Variants in NFIB observed in about 807,000 individuals in gnomAD.
NFIB encodes the protein nuclear factor 1 B-type.
Under a neutral mutation model 61.5 loss-of-function variants are expected in NFIB, and 11 were observed. That is an observed-to-expected ratio of 0.18 (90% CI 0.11 to 0.30). The LOEUF (loss-of-function observed/expected upper bound fraction) is 0.30, where lower values mean the gene tolerates loss of function less well. Among genes scored for constraint, NFIB ranks in the 10% least tolerant of loss-of-function variants. NFIB has a pLI of 1.00. For missense variants in NFIB, 471 were observed against 608.9 expected (o/e 0.77, Z 2.38); for synonymous variants, 260 against 216.5 (o/e 1.20, Z -1.76).
chr9:14,126,871 T>A lies in NFIB; in HGVS notation c.926-1105A>T, dbSNP rs575418410. ...AATACATTCATTCCATAAATACTTGTTCAAGACCGAATGTATGCCACATGC... is the reference window on the plus strand; with the variant it reads ...AATACATTCATTCCATAAATACTTGATCAAGACCGAATGTATGCCACATGC... On this transcript the variant is annotated intron_variant, in intron 6 of 10. Coordinates refer to ENST00000380953, the MANE Select transcript of NFIB (RefSeq NM_001190737.2). 1.1e-3 allele frequency among the ~76,000 whole-genome samples: 164 copies of A among 152,330 alleles called. 2 individuals carry two copies. The highest frequency in any genetic ancestry group is 3.8e-3 in the African/African-American group (159 of 41,578).
chr9:14,095,222 T>TA (rs1034837063), intron 10 of NFIB, among the ~76,000 whole-genome samples: 9 of 152,104 alleles, frequency 5.9e-5, no homozygotes, highest in African/African-American at 1.7e-4. Flanking sequence ...TAAGGACTTA[T>TA]AAAAAAATTG....
the NFIB span, among the ~76,000 whole-genome samples, chr9:14,523,818 C>A: frequency 3.9e-5 from 6 of 152,140 alleles, no homozygotes; most frequent in Non-Finnish European, 7.4e-5. Flanking sequence ...CCACTTCATA[C>A]TGACTGAGCT....
chr9:14,437,831 G>A, the NFIB span, among the ~76,000 whole-genome samples: 3 of 152,272 alleles, frequency 2.0e-5, no homozygotes, highest in African/African-American at 2.4e-5. Flanking sequence ...AATGACAGTC[G>A]GATCCATCAC....
chr9:14,302,753 C>T (rs2059816406), intron 2 of NFIB, among the ~76,000 whole-genome samples: 1 of 152,120 alleles, frequency 6.6e-6, no homozygotes, highest in Non-Finnish European at 1.5e-5. Flanking sequence ...CGACTCCCAC[C>T]ACCACCACCA....
chr9:14,479,794 T>C, the NFIB span, among the ~76,000 whole-genome samples: 1 of 152,200 alleles, frequency 6.6e-6, no homozygotes, highest in Non-Finnish European at 1.5e-5. Context: ...GCTTTGTTAA[T>C]AAAGAAGGTT....
At chr9:14,131,463 G>C (rs1050560655) in intron 6 of NFIB, among the ~76,000 whole-genome samples, 5 of 152,150 alleles carry the variant, frequency 3.3e-5, no homozygotes, top group African/African-American at 1.2e-4. Context: ...TAAAGAGTTA[G>C]ATCAACTCAT....
intron 1 of NFIB, among the ~76,000 whole-genome samples, chr9:14,348,420 G>C (rs1196832491): frequency 6.6e-6 from 1 of 151,998 alleles, no homozygotes; most frequent in African/African-American, 2.4e-5. Context: ...CGTTCCAAAC[G>C]GCAGGGCTCA....
At chr9:14,146,557 T>G in intron 6 of NFIB, 132 bp downstream of exon 6, 2 of 1,285,656 alleles carry the variant, frequency 1.6e-6, no homozygotes, top group Non-Finnish European at 2.2e-6. Context: ...CAAAAATAAT[T>G]CTACAGGAAT....
the NFIB span, among the ~76,000 whole-genome samples, chr9:14,439,986 G>A: frequency 6.6e-6 from 1 of 152,196 alleles, no homozygotes; most frequent in Non-Finnish European, 1.5e-5. Flanking sequence ...AGGAGAGGGG[G>A]TGGCTGAGCC....
At chr9:14,518,272 C>T in the NFIB span, among the ~76,000 whole-genome samples, 1 of 152,108 alleles carries the variant, frequency 6.6e-6, no homozygotes, top group Non-Finnish European at 1.5e-5. Flanking sequence ...GCAAAGTAGG[C>T]AATAGAGGCT....
chr9:14,441,660 C>G, the NFIB span, among the ~76,000 whole-genome samples: 1 of 151,842 alleles, frequency 6.6e-6, no homozygotes, highest in Non-Finnish European at 1.5e-5. Flanking sequence ...TGACAAGCAG[C>G]TTCCTGGGGG....
the NFIB span, among the ~76,000 whole-genome samples, chr9:14,475,278 C>T: frequency 1.3e-5 from 2 of 152,114 alleles, no homozygotes; most frequent in East Asian, 3.9e-4. Flanking sequence ...AGATTTGCAC[C>T]TGGGGAGCAT....
At chr9:14,337,301 C>T (rs529239219) in intron 1 of NFIB, among the ~76,000 whole-genome samples, 300 of 152,148 alleles carry the variant, frequency 2.0e-3, no homozygotes, top group African/African-American at 6.9e-3. Flanking sequence ...ATACAACACA[C>T]GGTTGAAAGA....
intron 1 of NFIB, among the ~76,000 whole-genome samples, chr9:14,341,122 G>A (rs2132874213): frequency 6.6e-6 from 1 of 152,320 alleles, no homozygotes; most frequent in African/African-American, 2.4e-5. Flanking sequence ...ATGCAAGACA[G>A]GGCTTTGGAA....
At chr9:14,118,581 T>A (rs1046662163) in intron 8 of NFIB, among the ~76,000 whole-genome samples, 2 of 152,022 alleles carry the variant, frequency 1.3e-5, no homozygotes, top group Non-Finnish European at 2.9e-5. Context: ...TTCAAACAGA[T>A]GAAGCTACAC....
intron 1 of NFIB, among the ~76,000 whole-genome samples, chr9:14,356,257 G>A (rs1385748913): frequency 6.6e-6 from 1 of 152,134 alleles, no homozygotes; most frequent in Non-Finnish European, 1.5e-5. Context: ...AGGTTTTCTT[G>A]AAGTGGGAAA....
chr9:14,525,098 G>T, the NFIB span, among the ~76,000 whole-genome samples: 4 of 152,126 alleles, frequency 2.6e-5, no homozygotes, highest in African/African-American at 9.7e-5. Context: ...CATTTCCAAA[G>T]AATTCAACTA....
At chr9:14,157,322 C>A (rs1310465480) in intron 3 of NFIB, among the ~76,000 whole-genome samples, 1 of 152,102 alleles carries the variant, frequency 6.6e-6, no homozygotes, top group African/African-American at 2.4e-5. Context: ...CCATACATAG[C>A]ATGAAAAGAC....
intron 2 of NFIB, among the ~76,000 whole-genome samples, chr9:14,273,438 C>G (rs1347917505): frequency 6.6e-6 from 1 of 152,068 alleles, no homozygotes; most frequent in African/African-American, 2.4e-5. Context: ...AATTTCTTTA[C>G]CATGATAGGT....
Sources: gnomAD v4.1 joint callset for allele counts (sites outside exome capture counted in the v4.1 genomes callset) on GRCh38, gnomAD v4.1.1 for gene constraint, MANE v1.5 for transcripts, NCBI Gene and HGNC (gene_info 2026-07-23, HGNC 2026-07-21) for gene names.